The following SLC9C1 variants were observed in gnomAD, a reference collection of about 807,000 sequenced individuals.
The protein encoded by SLC9C1 is sodium/hydrogen exchanger 10.
Under a neutral mutation model 140.9 loss-of-function variants are expected in SLC9C1, and 97 were observed. That is an observed-to-expected ratio of 0.69 (90% CI 0.58 to 0.82). SLC9C1 has a LOEUF of 0.82. Among genes scored for constraint, SLC9C1 ranks in the 40% least tolerant of loss-of-function variants. The pLI is 0.00. For missense variants in SLC9C1, 1,340 were observed against 1,389.3 expected, an observed-to-expected ratio of 0.96 and a Z score of 0.56; for synonymous variants, 440 against 442.6, an observed-to-expected ratio of 0.99 and a Z score of 0.07.
At chr3:112,215,831 T>C (rs967090309) in intron 15 of SLC9C1, among the ~76,000 whole-genome samples, 5 of 152,210 alleles carry the variant, frequency 3.3e-5, no homozygotes, top group East Asian at 3.8e-4. Flanking sequence ...CCAATGACTT[T>C]CTTCACAGAA....
chr3:112,209,792 T>G (rs976771980), intron 15 of SLC9C1, among the ~76,000 whole-genome samples: 14 of 152,134 alleles, frequency 9.2e-5, no homozygotes, highest in African/African-American at 3.1e-4. Context: ...ACCTAAAACT[T>G]GCGTGCTCAA....
chr3:112,155,718 A>C (rs1343149799), intron 26 of SLC9C1, among the ~76,000 whole-genome samples: 1 of 152,132 alleles, frequency 6.6e-6, no homozygotes, highest in Non-Finnish European at 1.5e-5. Flanking sequence ...AACCATTTGT[A>C]GTTTGGTATG....
chr3:112,278,160 C>T (rs1311760692), intron 4 of SLC9C1, among the ~76,000 whole-genome samples: 1 of 152,128 alleles, frequency 6.6e-6, no homozygotes, highest in Non-Finnish European at 1.5e-5. Context: ...GCTTCTAATG[C>T]AGTTTAGGTA....
intron 2 of SLC9C1, among the ~76,000 whole-genome samples, chr3:112,283,636 A>G (rs1434673048): frequency 6.6e-6 from 1 of 152,190 alleles, no homozygotes; most frequent in Admixed American, 6.5e-5. Flanking sequence ...AAATTGGATT[A>G]AAAGTTTTGT....
chr3:112,223,808 G>A (rs1011959740), intron 13 of SLC9C1, among the ~76,000 whole-genome samples: 2 of 152,040 alleles, frequency 1.3e-5, no homozygotes, highest in African/African-American at 4.8e-5. Flanking sequence ...TACACATTGT[G>A]GTATTCACTG....
chr3:112,204,094 A>C (rs1201922884), intron 17 of SLC9C1, 124 bp downstream of exon 17: 14 of 1,100,356 alleles, frequency 1.3e-5, no homozygotes, highest in Non-Finnish European at 1.6e-5. Context: ...GGAAGCTAAA[A>C]TTTAAAATAT....
At chr3:112,234,915 C>T (rs1284664226) in intron 12 of SLC9C1, among the ~76,000 whole-genome samples, 1 of 152,054 alleles carries the variant, frequency 6.6e-6, no homozygotes, top group East Asian at 1.9e-4. Flanking sequence ...TAGCATGATG[C>T]CTCCAGCTTT....
chr3:112,171,625 T>G (rs2077248867), intron 23 of SLC9C1, among the ~76,000 whole-genome samples: 1 of 152,220 alleles, frequency 6.6e-6, no homozygotes, highest in Admixed American at 6.5e-5. Context: ...TTTTTAATTT[T>G]GGTGACATCC....
At chr3:112,245,768 G>A (rs1054656687) in intron 10 of SLC9C1, among the ~76,000 whole-genome samples, 4 of 152,088 alleles carry the variant, frequency 2.6e-5, no homozygotes, top group Admixed American at 1.3e-4. Flanking sequence ...GATTGGAATT[G>A]CAATGAGTAT....
At chr3:112,216,543 A>G (rs4682369) in intron 15 of SLC9C1, among the ~76,000 whole-genome samples, 108,752 of 148,630 alleles carry the variant, frequency 0.73, 40,044 homozygotes, top group East Asian at 0.88. Flanking sequence ...AAAAGTGGGC[A>G]AATGATATGA....
intron 23 of SLC9C1, among the ~76,000 whole-genome samples, chr3:112,177,220 T>C (rs2077356695): frequency 1.3e-5 from 2 of 152,050 alleles, no homozygotes; most frequent in South Asian, 4.2e-4. Context: ...TTGGCCAGGC[T>C]GGTCTCAAAC....
At chr3:112,141,406 T>C in intron 28 of SLC9C1, 125 bp from the exon 29 acceptor site, 1 of 924,294 alleles carries the variant, frequency 1.1e-6, no homozygotes. Flanking sequence ...ACTTGGTCAT[T>C]TTTGTTAAGG....
At position 112,151,969 on chromosome 3, in the gene SLC9C1, A is replaced by T. The variant is rs771640982; in HGVS notation, c.3418-6T>A. 1 of 1,574,984 alleles carries T rather than the reference A, an allele frequency of 6.3e-7. No homozygotes were observed. Among genetic ancestry groups the T allele is most frequent in the African/African-American group, 1.4e-5 (1 of 72,174 alleles). On this transcript the variant is annotated splice_region_variant and splice_polypyrimidine_tract_variant and intron_variant, in intron 27 of 28. Transcript: ENST00000305815. ...GCGGCACTGTGTGCTCCATCCTGGG[A>T]TTCAAAACACTTTGTTACTTGATGT...
rs773739454 is a variant in SLC9C1 at position 112,141,230 on chromosome 3, A to G, written c.*42T>C. 1.3e-6 allele frequency: 2 copies of G among 1,549,718 alleles called. No individual in the cohort carries two copies. The highest frequency in any genetic ancestry group is 4.9e-5 in the East Asian group (2 of 40,710). Reference sequence around the variant, plus strand: ...GTGTTTCTGCAGCAGGAGGCCTCTCATAGCCACAGCATTAATACATGCTTC... The same window carrying G: ...GTGTTTCTGCAGCAGGAGGCCTCTCGTAGCCACAGCATTAATACATGCTTC... On this transcript the variant is annotated 3_prime_UTR_variant, in exon 29 of 29. Transcript: ENST00000305815.
At chr3:112,280,898 G>A in intron 2 of SLC9C1, 115 bp from the exon 3 acceptor site, 1 of 439,460 alleles carries the variant, frequency 2.3e-6, no homozygotes, top group Non-Finnish European at 3.7e-6. Flanking sequence ...TACTTTTCAT[G>A]AGTTTAAAAT....
At chr3:112,144,594 C>T in intron 28 of SLC9C1, among the ~76,000 whole-genome samples, 1 of 152,240 alleles carries the variant, frequency 6.6e-6, no homozygotes, top group Non-Finnish European at 1.5e-5. Flanking sequence ...GAATGTTTCT[C>T]CATTTGTTTA....
At chr3:112,159,199 A>T (rs2075215488) in intron 26 of SLC9C1, among the ~76,000 whole-genome samples, 1 of 151,388 alleles carries the variant, frequency 6.6e-6, no homozygotes, top group African/African-American at 2.4e-5. Context: ...TTGTGTTCCC[A>T]TTTTCATTTA....
intron 13 of SLC9C1, among the ~76,000 whole-genome samples, chr3:112,224,712 G>A (rs2078634537): frequency 6.6e-6 from 1 of 150,990 alleles, no homozygotes; most frequent in African/African-American, 2.4e-5. Context: ...CTCTAAACTT[G>A]AAGCCAGATA....
At chr3:112,185,434 G>A (rs2077515530) in intron 20 of SLC9C1, 1 of 1,483,924 alleles carries the variant, frequency 6.7e-7, no homozygotes, top group African/African-American at 1.4e-5. Context: ...GGGGGTCTCA[G>A]CCCAGCCCCT....
Sources: gnomAD v4.1 joint callset for allele counts (sites outside exome capture counted in the v4.1 genomes callset) on GRCh38, gnomAD v4.1.1 for gene constraint, MANE v1.5 for transcripts, NCBI Gene and HGNC (gene_info 2026-07-23, HGNC 2026-07-21) for gene names.